SFRP1: variants seen among roughly 807,000 people sequenced by gnomAD.
SFRP1 encodes the protein secreted frizzled-related protein 1.
In SFRP1, 9 loss-of-function variants were observed where a neutral mutation model predicts 25.9. The ratio of observed to expected loss-of-function variants is 0.35; its 90% CI spans 0.21 to 0.61. The LOEUF is 0.61. Among genes scored for constraint, SFRP1 ranks in the 20% least tolerant of loss-of-function variants. The pLI is 0.78. For missense variants in SFRP1, 346 were observed against 418.2 expected (o/e 0.83, Z 1.51); for synonymous variants, 178 against 174.0 (o/e 1.02, Z -0.18).
At chr8:41,304,731 C>A (rs1259091551) in intron 1 of SFRP1, among the ~76,000 whole-genome samples, 1 of 152,076 alleles carries the variant, frequency 6.6e-6, no homozygotes, top group African/African-American at 2.4e-5. Context: ...GAAGAGGGGA[C>A]CTGCAGAGCA....
Position 41,309,031 on chromosome 8 carries a change from G to A in SFRP1, c.129C>T (p.Ile43=), listed in dbSNP as rs1804035485. ...EYDYVSFQSD[I]GPYQSGRFYT... is the part of the protein sequence containing the mutation. ...AGAAGCGCCCGCTCTGGTACGGGCCGATGTCCGACTGGAAGCTCACGTAGT... is the reference window on the plus strand; with the variant it reads ...AGAAGCGCCCGCTCTGGTACGGGCCAATGTCCGACTGGAAGCTCACGTAGT... The change falls in exon 1 of 3, where the codon ATC becomes ATT. Residue 43 remains isoleucine (I), a synonymous_variant. Transcript: ENST00000220772. 3.7e-6 allele frequency: 6 copies of A among 1,609,168 alleles called. No individual in the cohort carries two copies. Among genetic ancestry groups the A allele is most frequent in the African/African-American group, 1.3e-5 (1 of 75,054 alleles).
chr8:41,303,334 T>A, intron 2 of SFRP1, 127 bp downstream of exon 2: 1 of 719,434 alleles, frequency 1.4e-6, no homozygotes, highest in Non-Finnish European at 2.5e-6. Flanking sequence ...AAAGCAGCCA[T>A]TTGGAGAGGA....
Position 41,264,932 on chromosome 8 carries a change from T to TA in SFRP1, c.*234dup. ...GGCTGCTGCTCCACATTGCGGATCTTAAAAACCTTCCTAATCTAAATGGCC... is the reference window on the plus strand; with the variant it reads ...GGCTGCTGCTCCACATTGCGGATCTTAAAAAACCTTCCTAATCTAAATGGCC... On this transcript the variant is annotated 3_prime_UTR_variant, in exon 3 of 3. Transcript: ENST00000220772. 2.0e-6 allele frequency: 1 copy of TA among 492,664 alleles called. No homozygotes were observed. The highest frequency in any genetic ancestry group is 3.6e-5 in the South Asian group (1 of 28,064). 30.5% of individuals were successfully genotyped at this position (492,664 alleles called of 1,614,324 possible).
At chr8:41,291,344 GT>G (rs907473560) in intron 2 of SFRP1, among the ~76,000 whole-genome samples, 9 of 152,150 alleles carry the variant, frequency 5.9e-5, no homozygotes, top group African/African-American at 2.2e-4. Flanking sequence ...GCTTTTGCCT[GT>G]TTTGTCATCA....
At chr8:41,266,059 A>C (rs1286559045) in intron 2 of SFRP1, among the ~76,000 whole-genome samples, 1 of 151,918 alleles carries the variant, frequency 6.6e-6, no homozygotes, top group Non-Finnish European at 1.5e-5. Context: ...CCAGCTACTA[A>C]GGAGGCTGAG....
chr8:41,293,728 G>A (rs540051909), intron 2 of SFRP1, among the ~76,000 whole-genome samples: 2 of 152,136 alleles, frequency 1.3e-5, no homozygotes, highest in Admixed American at 6.5e-5. Flanking sequence ...GGCCTGTCTC[G>A]CCCACCAGAT....
At chr8:41,270,598 A>G (rs1385925559) in intron 2 of SFRP1, among the ~76,000 whole-genome samples, 1 of 152,064 alleles carries the variant, frequency 6.6e-6, no homozygotes, top group Non-Finnish European at 1.5e-5. Flanking sequence ...CAGCAAGTTT[A>G]CATATGGACA....
At chr8:41,295,333 T>C (rs116621910) in intron 2 of SFRP1, among the ~76,000 whole-genome samples, 1,643 of 150,400 alleles carry the variant, frequency 0.011, 35 homozygotes, top group African/African-American at 0.038. Context: ...TGCATTCCAG[T>C]CTGCGCAACA....
chr8:41,266,582 T>C (rs1803438291), intron 2 of SFRP1, among the ~76,000 whole-genome samples: 2 of 151,590 alleles, frequency 1.3e-5, no homozygotes, highest in Non-Finnish European at 2.9e-5. Flanking sequence ...ATTGCAGGCA[T>C]GCACCATCAT....
intron 2 of SFRP1, among the ~76,000 whole-genome samples, chr8:41,283,972 C>T (rs1803667072): frequency 6.6e-6 from 1 of 152,172 alleles, no homozygotes; most frequent in African/African-American, 2.4e-5. Flanking sequence ...TACTGCTGTA[C>T]ACAAGGTGTC....
chr8:41,305,075 T>C (rs1037817413), intron 1 of SFRP1, among the ~76,000 whole-genome samples: 1 of 152,134 alleles, frequency 6.6e-6, no homozygotes, highest in Non-Finnish European at 1.5e-5. Context: ...TGCTTCCACA[T>C]GGGGAAAAGG....
At chr8:41,268,080 A>G (rs59361197) in intron 2 of SFRP1, among the ~76,000 whole-genome samples, 4,248 of 152,312 alleles carry the variant, frequency 0.028, 193 homozygotes, top group African/African-American at 0.094. Context: ...ACTAATGCAT[A>G]CTCCAGCTGA....
At chr8:41,270,028 C>T (rs1329120013) in intron 2 of SFRP1, among the ~76,000 whole-genome samples, 1 of 152,142 alleles carries the variant, frequency 6.6e-6, no homozygotes, top group South Asian at 2.1e-4. Context: ...CCCTAAGTGC[C>T]GAAGAGCTTA....
intron 1 of SFRP1, chr8:41,306,861 A>G (rs1410806574): frequency 1.9e-6 from 3 of 1,597,158 alleles, no homozygotes; most frequent in African/African-American, 2.7e-5. Flanking sequence ...ATCCCATCAC[A>G]GCCTTTTGGG....
At chr8:41,301,482 C>G (rs934098079) in intron 2 of SFRP1, among the ~76,000 whole-genome samples, 2 of 152,192 alleles carry the variant, frequency 1.3e-5, no homozygotes, top group Non-Finnish European at 2.9e-5. Flanking sequence ...TTTATGAGAA[C>G]ATTACAGACA....
chr8:41,279,383 T>TA (rs1803607875), intron 2 of SFRP1, among the ~76,000 whole-genome samples: 1 of 152,062 alleles, frequency 6.6e-6, no homozygotes, highest in African/African-American at 2.4e-5. Context: ...CACCTATCAG[T>TA]AGATGCACTC....
intron 2 of SFRP1, among the ~76,000 whole-genome samples, chr8:41,279,866 A>G (rs766941786): frequency 6.6e-6 from 1 of 151,972 alleles, no homozygotes; most frequent in Non-Finnish European, 1.5e-5. Flanking sequence ...ATCTCTCTGG[A>G]CCTGATAGTG....
At chr8:41,276,932 C>T (rs1803579111) in intron 2 of SFRP1, 1 of 456,394 alleles carries the variant, frequency 2.2e-6, no homozygotes, top group Non-Finnish European at 4.4e-6. Context: ...CATGCACACA[C>T]ACTCGCCAGC....
chr8:41,267,770 G>C (rs1803454957), intron 2 of SFRP1, among the ~76,000 whole-genome samples: 1 of 152,214 alleles, frequency 6.6e-6, no homozygotes, highest in East Asian at 1.9e-4. Context: ...ATCCTAAGTT[G>C]AAACCCATGT....
Sources: allele counts gnomAD v4.1 joint callset (sites outside exome capture counted in the v4.1 genomes callset), GRCh38; gene constraint gnomAD v4.1.1; transcripts MANE v1.5; gene names NCBI Gene and HGNC (gene_info 2026-07-23, HGNC 2026-07-21).